CDC42BPA: variants seen among roughly 807,000 people sequenced by gnomAD.
The protein encoded by CDC42BPA is CDC42 binding protein kinase alpha.
Under a neutral mutation model 223.5 loss-of-function variants are expected in CDC42BPA, and 80 were observed. That is an observed-to-expected ratio of 0.36 (90% confidence interval 0.30 to 0.43). CDC42BPA has a LOEUF of 0.43. Among genes scored for constraint, CDC42BPA ranks in the 20% least tolerant of loss-of-function variants. CDC42BPA has a pLI of 1.00. For synonymous variants in CDC42BPA, 694 were observed against 718.6 expected, an observed-to-expected ratio of 0.97 and a Z score of 0.55; for missense variants, 1,743 against 2,099.9, an observed-to-expected ratio of 0.83 and a Z score of 3.32.
chr1:227,249,997 T>C (rs1681693062), intron 2 of CDC42BPA, among the ~76,000 whole-genome samples: 1 of 152,212 alleles, frequency 6.6e-6, no homozygotes, highest in Non-Finnish European at 1.5e-5. Context: ...AATTTAGTTG[T>C]CCATTTTGAA....
intron 2 of CDC42BPA, among the ~76,000 whole-genome samples, chr1:227,225,251 C>A (rs868410572): frequency 1.8e-4 from 27 of 152,022 alleles, no homozygotes; most frequent in Admixed American, 3.9e-4. Context: ...GGTATCAATC[C>A]TGTGTACCTC....
chr1:227,291,384 A>G (rs1689668916), intron 1 of CDC42BPA, among the ~76,000 whole-genome samples: 2 of 152,152 alleles, frequency 1.3e-5, no homozygotes, highest in African/African-American at 4.8e-5. Flanking sequence ...CCCCGTCTCT[A>G]CTAAAAATAC....
chr1:227,308,331 C>T (rs970014349), intron 1 of CDC42BPA, among the ~76,000 whole-genome samples: 1 of 151,840 alleles, frequency 6.6e-6, no homozygotes, highest in Non-Finnish European at 1.5e-5. Context: ...CATGGTGAAA[C>T]CTTGTGTCTA....
chr1:227,084,545 ATT>A (rs34394607), intron 16 of CDC42BPA, among the ~76,000 whole-genome samples: 2,984 of 145,804 alleles, frequency 0.02, 52 homozygotes, highest in Non-Finnish European at 0.027. Context: ...AAAAAAAAAA[ATT>A]TTTTTTTCAT....
chr1:227,289,942 T>C (rs1380559153), intron 1 of CDC42BPA, among the ~76,000 whole-genome samples: 1 of 149,390 alleles, frequency 6.7e-6, no homozygotes, highest in East Asian at 2.0e-4. Context: ...TCCCAGCTAC[T>C]GGGAGGCTCA....
intron 12 of CDC42BPA, among the ~76,000 whole-genome samples, chr1:227,117,516 T>C (rs1687950723): frequency 1.3e-5 from 2 of 151,894 alleles, no homozygotes; most frequent in Admixed American, 1.3e-4. Context: ...CTCATTCTGT[T>C]GTTGCCTAGG....
At chr1:227,306,561 A>C (rs576670013) in intron 1 of CDC42BPA, among the ~76,000 whole-genome samples, 265 of 152,350 alleles carry the variant, frequency 1.7e-3, no homozygotes, top group African/African-American at 6.1e-3. Context: ...AAAAGGCAGA[A>C]ACAGATACTA....
chr1:227,123,085 C>T (rs540125934), intron 11 of CDC42BPA, among the ~76,000 whole-genome samples: 5 of 152,286 alleles, frequency 3.3e-5, no homozygotes, highest in African/African-American at 1.2e-4. Flanking sequence ...GGCAGATCAC[C>T]TTAGGCCAGG....
At chr1:227,265,835 C>T (rs892286547) in intron 1 of CDC42BPA, among the ~76,000 whole-genome samples, 1 of 151,876 alleles carries the variant, frequency 6.6e-6, no homozygotes, top group African/African-American at 2.4e-5. Flanking sequence ...ACTGATGGTC[C>T]AAAGAAGGTC....
intron 6 of CDC42BPA, among the ~76,000 whole-genome samples, chr1:227,156,847 C>A (rs1242276103): frequency 6.7e-6 from 1 of 148,908 alleles, no homozygotes; most frequent in Non-Finnish European, 1.5e-5. Context: ...TTTTTCCCTG[C>A]AGCTCTATCC....
intron 3 of CDC42BPA, among the ~76,000 whole-genome samples, chr1:227,200,741 T>C (rs904455037): frequency 3.9e-5 from 6 of 152,154 alleles, no homozygotes; most frequent in South Asian, 2.1e-4. Context: ...AAATGCTAAA[T>C]GAAAATTTCA....
chr1:227,256,536 T>C (rs1352536750), intron 1 of CDC42BPA, among the ~76,000 whole-genome samples: 1 of 151,314 alleles, frequency 6.6e-6, no homozygotes, highest in African/African-American at 2.4e-5. Context: ...TATGAAAAGA[T>C]ACTCAACATC....
In CDC42BPA at chr1:227,035,593, A is replaced by G; in HGVS notation, c.3214T>C (p.Cys1072Arg). 1.9e-6 allele frequency: 3 copies of G among 1,590,558 alleles called. No individual in the cohort carries two copies. The highest frequency in any genetic ancestry group is 2.6e-6 in the Non-Finnish European group (3 of 1,174,652). The change falls in exon 25 of 37, where the codon TGC becomes CGC. Residue 1072 changes from cysteine to arginine, a missense_variant. By Grantham distance (180) the Cys-to-Arg change is radical. Transcript: ENST00000366766. ...GCTTTGTTTACACAAGTTATATGGC[A>G]TGAGAATCCACACACTTTTAGAGGG... ...GCSCEVCGFSCHITCVNKAPT... is the reference protein window; with the variant it reads ...GCSCEVCGFSRHITCVNKAPT...
intron 10 of CDC42BPA, among the ~76,000 whole-genome samples, chr1:227,136,031 GGAAAAGCA>G (rs1299654400): frequency 6.6e-6 from 1 of 151,602 alleles, no homozygotes; most frequent in Non-Finnish European, 1.5e-5. Flanking sequence ...TGAGACATTT[GGAAAAGCA>G]GAAAAGCATG....
chr1:226,996,027 C>T (rs1215362691), intron 35 of CDC42BPA, among the ~76,000 whole-genome samples: 4 of 152,338 alleles, frequency 2.6e-5, no homozygotes, highest in South Asian at 2.1e-4. Flanking sequence ...AATACACAAG[C>T]GTTCATAAAT....
intron 7 of CDC42BPA, 34 bp from the exon 8 acceptor site, chr1:227,145,771 CA>C: frequency 5.8e-6 from 9 of 1,554,180 alleles, no homozygotes; most frequent in Non-Finnish European, 7.9e-6. Context: ...AAATATAAAT[CA>C]GTGTTTAACA....
chr1:227,176,113 G>C (rs533081219), intron 5 of CDC42BPA, among the ~76,000 whole-genome samples: 46 of 152,116 alleles, frequency 3.0e-4, no homozygotes, highest in African/African-American at 1.1e-3. Context: ...ATACCATACC[G>C]GGCTAATTTT....
intron 11 of CDC42BPA, among the ~76,000 whole-genome samples, chr1:227,126,834 G>GA (rs1208002113): frequency 6.6e-6 from 1 of 152,098 alleles, no homozygotes; most frequent in Non-Finnish European, 1.5e-5. Flanking sequence ...AGAAACAGAG[G>GA]AAAATGAATG....
chr1:227,078,198 G>GTC (rs1177312889), intron 17 of CDC42BPA, among the ~76,000 whole-genome samples: 1 of 152,134 alleles, frequency 6.6e-6, no homozygotes, highest in African/African-American at 2.4e-5. Flanking sequence ...AGAACACACA[G>GTC]TCTAGTTTAA....
Sources: allele counts gnomAD v4.1 joint callset (sites outside exome capture counted in the v4.1 genomes callset), GRCh38; gene constraint gnomAD v4.1.1; transcripts MANE v1.5; gene names NCBI Gene and HGNC (gene_info 2026-07-23, HGNC 2026-07-21).